ESRRB: variants seen among roughly 807,000 people sequenced by gnomAD.
ESRRB encodes steroid hormone receptor ERR2.
In ESRRB, 16 loss-of-function variants were observed where a neutral mutation model predicts 46.0. That is an observed-to-expected ratio of 0.35 (90% CI 0.24 to 0.53). The LOEUF (loss-of-function observed/expected upper bound fraction) is 0.53, where lower values mean the gene tolerates loss of function less well. Ranked by LOEUF, ESRRB falls within the 20% of genes least tolerant of loss-of-function variation. ESRRB has a pLI of 0.93. For missense variants in ESRRB, 488 were observed against 607.4 expected, an observed-to-expected ratio of 0.80 and a Z score of 2.07; for synonymous variants, 246 against 259.6, an observed-to-expected ratio of 0.95 and a Z score of 0.50.
intron 2 of ESRRB, among the ~76,000 whole-genome samples, chr14:76,459,882 G>T (rs143098113): frequency 2.2e-4 from 33 of 152,162 alleles, no homozygotes; most frequent in African/African-American, 7.2e-4. Context: ...GTGCCTGCTG[G>T]ACTTGAGACA....
At chr14:76,324,963 C>CTTTTT (rs34780208) in intron 1 of ESRRB, among the ~76,000 whole-genome samples, 132 of 101,952 alleles carry the variant, frequency 1.3e-3, no homozygotes, top group Non-Finnish European at 1.6e-3. Flanking sequence ...TTTTCTTTTT[C>CTTTTT]TTTTTTTTTT....
chr14:76,390,747 G>A (rs1408197724), intron 1 of ESRRB, among the ~76,000 whole-genome samples: 1 of 152,200 alleles, frequency 6.6e-6, no homozygotes, highest in African/African-American at 2.4e-5. Flanking sequence ...AGCTAAGTGC[G>A]GGAAGTAAAA....
chr14:76,472,427 G>A (rs1379992257), intron 3 of ESRRB, among the ~76,000 whole-genome samples: 3 of 152,212 alleles, frequency 2.0e-5, no homozygotes, highest in Non-Finnish European at 4.4e-5. Context: ...CCACAGAGCA[G>A]CTGGCAAAAG....
At chr14:76,461,596 C>T (rs542030335) in intron 2 of ESRRB, among the ~76,000 whole-genome samples, 13 of 151,856 alleles carry the variant, frequency 8.6e-5, no homozygotes, top group African/African-American at 2.9e-4. Flanking sequence ...GCAACCTCTA[C>T]CTCCCGGGTT....
chr14:76,387,756 T>G (rs1885298371), intron 1 of ESRRB, among the ~76,000 whole-genome samples: 1 of 152,196 alleles, frequency 6.6e-6, no homozygotes, highest in African/African-American at 2.4e-5. Context: ...GTTCAGATGC[T>G]CTTCTCCAAG....
chr14:76,377,551 G>A (rs1396344320), intron 1 of ESRRB, among the ~76,000 whole-genome samples: 1 of 152,188 alleles, frequency 6.6e-6, no homozygotes, highest in Non-Finnish European at 1.5e-5. Flanking sequence ...CTTACGGACA[G>A]CTTTCCTGCT....
At chr14:76,486,858 G>C (rs1004601272) in intron 5 of ESRRB, among the ~76,000 whole-genome samples, 4 of 152,188 alleles carry the variant, frequency 2.6e-5, no homozygotes, top group Admixed American at 1.3e-4. Flanking sequence ...CTTGGTCCCA[G>C]AGTTACTAAT....
chr14:76,405,099 T>A (rs1357213496), intron 1 of ESRRB, among the ~76,000 whole-genome samples: 1 of 152,042 alleles, frequency 6.6e-6, no homozygotes, highest in Non-Finnish European at 1.5e-5. Flanking sequence ...GTTTTTGTCT[T>A]TGTTTGTTTG....
chr14:76,346,502 C>T (rs188423922), intron 1 of ESRRB, among the ~76,000 whole-genome samples: 1 of 152,334 alleles, frequency 6.6e-6, no homozygotes, highest in East Asian at 1.9e-4. Context: ...CTGCAGGTTG[C>T]TTTTGTCTGC....
intron 6 of ESRRB, chr14:76,495,536 G>A (rs1483046725): frequency 7.2e-6 from 1 of 138,918 alleles, no homozygotes; most frequent in African/African-American, 2.6e-5. Context: ...AAAGCAGGCT[G>A]GCTAGTCTTT....
chr14:76,482,563 C>G lies in ESRRB; in HGVS notation c.689-35C>G. The G allele has an allele frequency of 6.2e-7, 1 of 1,609,610 alleles. No individual in the cohort carries two copies. Among genetic ancestry groups the G allele is most frequent in the African/African-American group, 1.3e-5 (1 of 74,916 alleles). On this transcript the variant is annotated intron_variant, in intron 4 of 6. Coordinates refer to ENST00000644823, the MANE Select transcript of ESRRB (RefSeq NM_001379180.1). The surrounding 1 kb of genome is among the most constrained non-coding windows in gnomAD (Gnocchi z 4.3). ...TCCACCCCGGCCCCTTTCCTCTTTT[C>G]CCAGCATTTACCTTTCCCTCTTTGG...
chr14:76,454,386 C>T (rs924913139), intron 2 of ESRRB, among the ~76,000 whole-genome samples: 20 of 152,198 alleles, frequency 1.3e-4, no homozygotes, highest in African/African-American at 4.3e-4. Flanking sequence ...GGGAGGCCCA[C>T]AGGTACACCT....
intron 3 of ESRRB, among the ~76,000 whole-genome samples, chr14:76,468,392 C>G (rs996677287): frequency 6.8e-5 from 6 of 88,356 alleles, no homozygotes; most frequent in African/African-American, 2.2e-4. Context: ...CACACACTGC[C>G]CCCCCCCCAA....
chr14:76,344,922 A>C (rs1163473380), intron 1 of ESRRB, among the ~76,000 whole-genome samples: 1 of 151,638 alleles, frequency 6.6e-6, no homozygotes, highest in Non-Finnish European at 1.5e-5. Context: ...ATTCCTTTTT[A>C]TGGCTGAGTA....
At position 76,365,765 on chromosome 14, in the gene ESRRB, G is replaced by C. The variant is rs78569682; in HGVS notation, c.2+54849G>C. On this transcript the variant is annotated intron_variant, in intron 1 of 6. Transcript: ENST00000512784. The stretch of plus-strand genomic sequence containing the variant: ...CAACAGCAACTGCAAAAATTGTTTA[G>C]AACTTAGACCAACAAAAGATTTTCT... Among the ~76,000 whole-genome samples the C allele has an allele frequency of 7.4e-3, 1,127 of 152,274 alleles. 12 individuals carry two copies. The highest frequency in any genetic ancestry group is 0.026 in the African/African-American group (1,070 of 41,538).
chr14:76,333,448 A>AATATAT (rs1884086669), intron 1 of ESRRB, among the ~76,000 whole-genome samples: 1 of 15,142 alleles, frequency 6.6e-5, no homozygotes, highest in Non-Finnish European at 1.4e-4. Context: ...ATGATATATA[A>AATATAT]GTATATCATA....
intron 1 of ESRRB, among the ~76,000 whole-genome samples, chr14:76,332,695 T>TATATAAA (rs1228122074): frequency 4.0e-5 from 1 of 25,148 alleles, no homozygotes; most frequent in Non-Finnish European, 6.8e-5. Context: ...ATTTATATAT[T>TATATAAA]TATATATTAT....
rs551647649 is a variant in ESRRB, at chr14:76,348,913, T to C, written c.2+37997T>C. Among the ~76,000 whole-genome samples, 4 of 152,110 alleles carry C rather than the reference T, an allele frequency of 2.6e-5. No homozygotes were observed. In the South Asian group the frequency reaches 6.3e-4, roughly 24 times the overall value. On this transcript the variant is annotated intron_variant, in intron 1 of 6. Coordinates refer to the ESRRB transcript ENST00000512784. ...GAAACTTCCACGGAGTAATAAGGCC[T>C]GTAGGGCATATAGCATTTGAATGAG...
chr14:76,390,291 C>T (rs1273953875), intron 1 of ESRRB, among the ~76,000 whole-genome samples: 2 of 152,136 alleles, frequency 1.3e-5, no homozygotes, highest in Non-Finnish European at 2.9e-5. Context: ...CAGTTTGAGA[C>T]CAGCCTGGCC....
Sources: allele counts gnomAD v4.1 joint callset (sites outside exome capture counted in the v4.1 genomes callset), GRCh38; gene constraint gnomAD v4.1.1; non-coding constraint Gnocchi (gnomAD v3.1); transcripts MANE v1.5; gene names NCBI Gene and HGNC (gene_info 2026-07-23, HGNC 2026-07-21).